CRYZ: variants seen among roughly 807,000 people sequenced by gnomAD.
CRYZ encodes the protein zeta-crystallin.
CRYZ carries 35 observed loss-of-function variants against 34.1 expected under a neutral mutation model. The ratio of observed to expected loss-of-function variants is 1.03; its 90% CI spans 0.78 to 1.36. CRYZ has a LOEUF of 1.36. Among genes scored for constraint, CRYZ ranks in the 40% most tolerant of loss-of-function variants. The pLI, the probability that CRYZ is intolerant of heterozygous loss-of-function variation, is 0.00. For synonymous variants in CRYZ, 137 were observed against 136.5 expected (o/e 1.00, Z -0.03); for missense variants, 403 against 391.8 (o/e 1.03, Z -0.24).
At position 74,710,163 on chromosome 1, in the gene CRYZ, C is replaced by T. The variant is rs748277396; in HGVS notation, c.565G>A (p.Val189Ile). 4 of 1,613,870 alleles carry T rather than the reference C, an allele frequency of 2.5e-6. No individual in the cohort carries two copies. In the Admixed American group the frequency reaches 6.7e-5, roughly 27 times the overall value. ...ACTTCATGGGCTCCATTTTGCAAAA[C>T]AATCTTTTGTCCTTCCTCAGTACCA... ...TAGTEEGQKI[V>I]LQNGAHEVFN... Residue 189 changes from valine (V) to isoleucine (I), a missense_variant, in exon 6 of 9, where the codon GTT becomes ATT. Transcript: ENST00000340866.
chr1:74,720,466 C>T (rs1040581329), intron 3 of CRYZ, among the ~76,000 whole-genome samples: 1 of 152,114 alleles, frequency 6.6e-6, no homozygotes, highest in Admixed American at 6.6e-5. Flanking sequence ...ATGTAATTTG[C>T]ACATTAGGGA....
chr1:74,707,037 A>C, intron 7 of CRYZ, 43 bp from the exon 8 acceptor site: 4 of 1,566,306 alleles, frequency 2.6e-6, no homozygotes, highest in Non-Finnish European at 2.6e-6. Context: ...GATTACTGTA[A>C]AATAGTGTTA....
At chr1:74,707,232 A>G (rs1646943104) in intron 6 of CRYZ, 28 bp from the exon 7 acceptor site, 7 of 1,260,166 alleles carry the variant, frequency 5.6e-6, no homozygotes, top group Non-Finnish European at 7.9e-6. Context: ...AATGTAGAGT[A>G]AGATAGCAAG....
intron 1 of CRYZ, among the ~76,000 whole-genome samples, chr1:74,729,161 C>A (rs184644833): frequency 6.7e-6 from 1 of 148,152 alleles, no homozygotes; most frequent in African/African-American, 2.5e-5. Context: ...CATGACGTTA[C>A]GGAAAGAGCA....
chr1:74,732,597 CGGGGGGGGGGG>C (rs56898084), intron 1 of CRYZ, among the ~76,000 whole-genome samples: 1 of 52,658 alleles, frequency 1.9e-5, no homozygotes. Context: ...GGGTGACTGG[CGGGGGGGGGGG>C]GGGGGGGTGC....
At chr1:74,728,390 G>A (rs2100734880) in intron 1 of CRYZ, among the ~76,000 whole-genome samples, 1 of 152,282 alleles carries the variant, frequency 6.6e-6, no homozygotes, top group Middle Eastern at 3.4e-3. Context: ...AAAAATTTTT[G>A]TACCTGTAAA....
intron 2 of CRYZ, among the ~76,000 whole-genome samples, chr1:74,723,812 A>C (rs1466811992): frequency 6.6e-6 from 1 of 152,192 alleles, no homozygotes; most frequent in Non-Finnish European, 1.5e-5. Context: ...ACAGCTACCC[A>C]CCCACATTTG....
At chr1:74,712,447 G>A (rs1363047868) in intron 5 of CRYZ, among the ~76,000 whole-genome samples, 1 of 152,176 alleles carries the variant, frequency 6.6e-6, no homozygotes, top group Admixed American at 6.5e-5. Context: ...TTTACAGGGA[G>A]GACCGGGTTC....
At chr1:74,716,579 C>T (rs1647078607) in intron 4 of CRYZ, among the ~76,000 whole-genome samples, 1 of 152,160 alleles carries the variant, frequency 6.6e-6, no homozygotes, top group African/African-American at 2.4e-5. Context: ...GCCACTCTCT[C>T]CCAGGGCTTA....
Position 74,723,268 on chromosome 1 carries a change from A to C in CRYZ, c.114T>G (p.Val38=). ...IAVPIPKDHQ[V]LIKVHACGVN... ...CACCACATGCATGGACCTTGATTAG[A>C]ACCTGCAATGACAATGTATTTTAGT... The change falls in exon 3 of 9, where the codon GTT becomes GTG. Residue 38 remains valine (V), a splice_region_variant and synonymous_variant. Coordinates refer to ENST00000340866, the MANE Select transcript of CRYZ (RefSeq NM_001889.4). 2 of 1,608,764 alleles carry C rather than the reference A, an allele frequency of 1.2e-6. No homozygotes were observed. The highest frequency in any genetic ancestry group is 1.7e-6 in the Non-Finnish European group (2 of 1,178,786).
intron 4 of CRYZ, 90 bp from the exon 5 acceptor site, chr1:74,714,720 A>C: frequency 7.5e-7 from 1 of 1,327,150 alleles, no homozygotes; most frequent in South Asian, 1.2e-5. Flanking sequence ...TTCTACCCCT[A>C]GTCTGGCTAA....
chr1:74,732,762 C>A, intron 1 of CRYZ, 194 bp downstream of exon 1: 1 of 157,494 alleles, frequency 6.3e-6, no homozygotes, highest in Non-Finnish European at 1.4e-5. Context: ...GGCAAAACTT[C>A]CTACCTGATT....
chr1:74,721,120 C>G (rs72675397), intron 3 of CRYZ, among the ~76,000 whole-genome samples: 4,486 of 152,140 alleles, frequency 0.029, 105 homozygotes, highest in Middle Eastern at 0.048. Flanking sequence ...GAATAAATGC[C>G]ATGAAATTAG....
chr1:74,706,889 C>A lies in CRYZ; in HGVS notation c.828+10G>T. 6.2e-7 allele frequency: 1 copy of A among 1,609,352 alleles called. No individual in the cohort carries two copies. Among genetic ancestry groups the A allele is most frequent in the Non-Finnish European group, 8.5e-7 (1 of 1,176,304 alleles). ...TAAGTTACCAAAATCAGAAGTACTT[C>A]TTTTCCTACCTTGGTTGAGGAAAAG... On this transcript the variant is annotated intron_variant, in intron 8 of 8. Coordinates refer to ENST00000340866, the MANE Select transcript of CRYZ (RefSeq NM_001889.4).
At chr1:74,718,309 C>G (rs1647104222) in intron 4 of CRYZ, among the ~76,000 whole-genome samples, 1 of 152,036 alleles carries the variant, frequency 6.6e-6, no homozygotes, top group Non-Finnish European at 1.5e-5. Context: ...ACGCTCTTAT[C>G]TCTTCATTCC....
intron 2 of CRYZ, among the ~76,000 whole-genome samples, chr1:74,724,496 T>G (rs1355441963): frequency 6.6e-6 from 1 of 152,202 alleles, no homozygotes; most frequent in Non-Finnish European, 1.5e-5. Flanking sequence ...ATCAAAAATT[T>G]TCTTATAACC....
intron 3 of CRYZ, among the ~76,000 whole-genome samples, chr1:74,720,092 C>G (rs1557729083): frequency 6.6e-6 from 1 of 151,960 alleles, no homozygotes; most frequent in Non-Finnish European, 1.5e-5. Context: ...CAAAGAAGTT[C>G]AATAATTTCC....
At chr1:74,729,134 G>T (rs56680940) in intron 1 of CRYZ, among the ~76,000 whole-genome samples, 4 of 143,982 alleles carry the variant, frequency 2.8e-5, no homozygotes, top group East Asian at 2.0e-4. Flanking sequence ...TTTTTGTTTT[G>T]TTTTTTTTTT....
intron 4 of CRYZ, among the ~76,000 whole-genome samples, chr1:74,717,487 C>T (rs1415609185): frequency 6.6e-6 from 1 of 152,130 alleles, no homozygotes; most frequent in Non-Finnish European, 1.5e-5. Flanking sequence ...GACAGCTGGC[C>T]TCCCTCCTTA....
Sources: allele counts gnomAD v4.1 joint callset (sites outside exome capture counted in the v4.1 genomes callset), GRCh38; gene constraint gnomAD v4.1.1; transcripts MANE v1.5; gene names NCBI Gene and HGNC (gene_info 2026-07-23, HGNC 2026-07-21).